The following CEP63 variants were observed in gnomAD, a reference collection of about 807,000 sequenced individuals.
CEP63 encodes the protein centrosomal protein of 63 kDa.
A neutral mutation model predicts 89.1 loss-of-function variants in CEP63; 84 were observed. That is an observed-to-expected ratio of 0.94 (90% confidence interval 0.79 to 1.13). The LOEUF is 1.13. CEP63 is among the 50% of genes most tolerant of loss of function. CEP63 has a pLI of 0.00. For missense variants in CEP63, 838 were observed against 813.3 expected (o/e 1.03, Z -0.37); for synonymous variants, 267 against 272.5 (o/e 0.98, Z 0.20).
intron 6 of CEP63, among the ~76,000 whole-genome samples, chr3:134,545,240 G>A (rs1306323647): frequency 6.6e-6 from 1 of 151,822 alleles, no homozygotes; most frequent in South Asian, 2.1e-4. Flanking sequence ...CTCATGATCC[G>A]CCCACCTCAG....
chr3:134,499,133 G>T (rs754837146), intron 2 of CEP63, among the ~76,000 whole-genome samples: 2 of 152,152 alleles, frequency 1.3e-5, no homozygotes. Context: ...TTATGAAGTT[G>T]GTAGAATTCA....
In CEP63 at chr3:134,545,807, A is replaced by G. The variant is rs2109601069; in HGVS notation, c.777A>G (p.Glu259=). Residue 259 remains glutamate (E), a synonymous_variant, in exon 7 of 15, where the codon GAA becomes GAG. Transcript: ENST00000675561. The stretch of plus-strand genomic sequence containing the variant: ...AAGAAGAAAAATTGAGGGAATCTGA[A>G]AAACTATTAGAGGTATGTTTTAAAA... ...QQKEEKLRES[E]KLLEALQEEK... The G allele has an allele frequency of 1.2e-6, 2 of 1,611,718 alleles. No homozygotes were observed. Among genetic ancestry groups the G allele is most frequent in the Non-Finnish European group, 1.7e-6 (2 of 1,178,122 alleles).
chr3:134,640,415 T>G, the CEP63 span, among the ~76,000 whole-genome samples: 6 of 152,258 alleles, frequency 3.9e-5, no homozygotes, highest in South Asian at 2.1e-4. Flanking sequence ...AAAATGAGGA[T>G]GATAACCTTC....
chr3:134,544,464 A>G (rs1307865126), intron 6 of CEP63, among the ~76,000 whole-genome samples: 1 of 152,204 alleles, frequency 6.6e-6, no homozygotes. Flanking sequence ...AGTGTCCAAA[A>G]ACTGATGACA....
chr3:134,680,885 G>C, the CEP63 span, among the ~76,000 whole-genome samples: 1 of 152,214 alleles, frequency 6.6e-6, no homozygotes, highest in African/African-American at 2.4e-5. Flanking sequence ...TTTAGAACTT[G>C]CTTCTGAAGC....
the CEP63 span, chr3:134,627,891 T>A: frequency 5.0e-6 from 6 of 1,205,430 alleles, no homozygotes; most frequent in Non-Finnish European, 7.4e-6. Context: ...TGACTCACCT[T>A]CTGGTGGTCC....
At chr3:134,615,971 A>G in the CEP63 span, among the ~76,000 whole-genome samples, 5 of 152,244 alleles carry the variant, frequency 3.3e-5, no homozygotes, top group African/African-American at 7.2e-5. Context: ...CAAACTCGTA[A>G]TAAGTGCCTG....
chr3:134,498,725 G>A (rs1221420934), intron 2 of CEP63, among the ~76,000 whole-genome samples: 1 of 152,198 alleles, frequency 6.6e-6, no homozygotes, highest in East Asian at 1.9e-4. Flanking sequence ...GTTGAGGTAT[G>A]TTCCTTCTAT....
chr3:134,759,781 A>G, the CEP63 span, among the ~76,000 whole-genome samples: 1 of 152,246 alleles, frequency 6.6e-6, no homozygotes, highest in Non-Finnish European at 1.5e-5. Flanking sequence ...TCTTAAAAGA[A>G]GAAGAAGAGT....
chr3:134,552,924 A>G (rs1344359000), intron 12 of CEP63: 5 of 152,228 alleles, frequency 3.3e-5, no homozygotes, highest in African/African-American at 1.2e-4. Context: ...AGTAGCAAGG[A>G]TAAGAAATGC....
the CEP63 span, among the ~76,000 whole-genome samples, chr3:134,652,410 C>T: frequency 1.3e-5 from 2 of 151,986 alleles, no homozygotes; most frequent in Admixed American, 6.6e-5. Context: ...AGTTTGGTTC[C>T]GTGTAAAGGC....
chr3:134,528,088 C>A lies in CEP63; in HGVS notation c.223-3757C>A, dbSNP rs141229311. On this transcript the variant is annotated intron_variant, in intron 3 of 14. Transcript: ENST00000675561. ...GGCGAGAGGTTCCAGAGGCCCGTGGCAAGAGTGGGTTGCTCCTTGCTAGTT... is the reference window on the plus strand; with the variant it reads ...GGCGAGAGGTTCCAGAGGCCCGTGGAAAGAGTGGGTTGCTCCTTGCTAGTT... Among the ~76,000 whole-genome samples the A allele has an allele frequency of 5.4e-4, 82 of 152,264 alleles. 1 individual carries two copies. Among genetic ancestry groups the A allele is most frequent in the Admixed American group, 1.3e-3 (20 of 15,294 alleles).
At chr3:134,654,690 C>G in the CEP63 span, among the ~76,000 whole-genome samples, 2 of 152,194 alleles carry the variant, frequency 1.3e-5, no homozygotes, top group Non-Finnish European at 2.9e-5. Context: ...ATGATTTCTG[C>G]CTGGAAAACC....
intron 14 of CEP63, 135 bp from the exon 15 acceptor site, chr3:134,561,242 T>A: frequency 1.1e-6 from 1 of 922,986 alleles, no homozygotes; most frequent in Non-Finnish European, 1.7e-6. Flanking sequence ...GTCATTAGGA[T>A]GAAAACCAAA....
the CEP63 span, among the ~76,000 whole-genome samples, chr3:134,688,531 T>C: frequency 9.2e-5 from 14 of 152,338 alleles, no homozygotes; most frequent in East Asian, 2.7e-3. Flanking sequence ...GTACATAAAC[T>C]GTAGCTCAAT....
chr3:134,533,081 A>G (rs1255144244), intron 5 of CEP63, among the ~76,000 whole-genome samples, 181 bp downstream of exon 5: 1 of 152,212 alleles, frequency 6.6e-6, no homozygotes, highest in Non-Finnish European at 1.5e-5. Flanking sequence ...TCCCTGGGTT[A>G]ACGGGGTTAC....
chr3:134,594,024 G>T, the CEP63 span, among the ~76,000 whole-genome samples: 1 of 152,172 alleles, frequency 6.6e-6, no homozygotes, highest in Non-Finnish European at 1.5e-5. Context: ...CCAGTATCTT[G>T]GCTTCATTTA....
At chr3:134,595,027 G>T in the CEP63 span, among the ~76,000 whole-genome samples, 4 of 152,196 alleles carry the variant, frequency 2.6e-5, no homozygotes, top group African/African-American at 4.8e-5. Flanking sequence ...CCATGGGCTA[G>T]CTTAATGGGA....
At chr3:134,565,141 A>T (rs148197876), downstream of CEP63, 748 of 188,432 alleles carry the variant, frequency 4.0e-3, 4 homozygotes, top group African/African-American at 0.017. Flanking sequence ...TTTACAGATA[A>T]TGTTTTATTG....
Sources: allele counts gnomAD v4.1 joint callset (sites outside exome capture counted in the v4.1 genomes callset), GRCh38; gene constraint gnomAD v4.1.1; transcripts MANE v1.5; gene names NCBI Gene and HGNC (gene_info 2026-07-23, HGNC 2026-07-21).